SLC41A3: variants seen among roughly 807,000 people sequenced by gnomAD.
The protein encoded by SLC41A3 is solute carrier family 41 member 3, also known as SLC41A1-like 2.
In SLC41A3, 44 loss-of-function variants were observed where a neutral mutation model predicts 45.4. The observed-to-expected ratio is 0.97, with a 90% CI of 0.76 to 1.25. The LOEUF is 1.25. SLC41A3 is among the 50% of genes most tolerant of loss of function. The probability of loss-of-function intolerance (pLI) is 0.00; values close to 1 mark genes in which losing one functional copy is unlikely to be tolerated. For synonymous variants in SLC41A3, 256 were observed against 252.4 expected (o/e 1.01, Z -0.13); for missense variants, 550 against 600.6 (o/e 0.92, Z 0.88).
chr3:126,059,771 T>C (rs572551114), intron 2 of SLC41A3, among the ~76,000 whole-genome samples: 65 of 152,198 alleles, frequency 4.3e-4, no homozygotes, highest in Non-Finnish European at 8.1e-4. Flanking sequence ...AGGTTACTGG[T>C]TTAAAGGCAT....
intron 1 of SLC41A3, chr3:126,095,386 C>T: frequency 2.0e-6 from 1 of 505,814 alleles, no homozygotes; most frequent in Non-Finnish European, 3.5e-6. Context: ...GATCAAGAAG[C>T]TGTCACAGAT....
upstream of SLC41A3, among the ~76,000 whole-genome samples, chr3:126,087,901 T>C (rs1284081555): frequency 6.6e-6 from 1 of 152,116 alleles, no homozygotes; most frequent in Non-Finnish European, 1.5e-5. Context: ...AATACAAAAC[T>C]AAATAATTGG....
chr3:126,090,469 G>A (rs1211697456), intron 1 of SLC41A3, among the ~76,000 whole-genome samples: 2 of 152,170 alleles, frequency 1.3e-5, no homozygotes, highest in African/African-American at 2.4e-5. Context: ...TTTTTAAAGT[G>A]TAGATTAAAT....
chr3:126,021,023 T>C (rs1238212079), intron 6 of SLC41A3, among the ~76,000 whole-genome samples: 2 of 151,970 alleles, frequency 1.3e-5, no homozygotes, highest in South Asian at 2.1e-4. Context: ...GCCTGCCGAG[T>C]AGCTGGGACT....
intron 8 of SLC41A3, among the ~76,000 whole-genome samples, chr3:126,013,600 G>A (rs1209200659): frequency 6.6e-6 from 1 of 151,640 alleles, no homozygotes; most frequent in Non-Finnish European, 1.5e-5. Context: ...GTGAGGGGAG[G>A]ACAGAGATGA....
At chr3:126,009,395 C>T (rs1939464159) in intron 9 of SLC41A3, among the ~76,000 whole-genome samples, 1 of 152,212 alleles carries the variant, frequency 6.6e-6, no homozygotes, top group African/African-American at 2.4e-5. Flanking sequence ...GCCCCTTCTT[C>T]ATAGCAGCCT....
chr3:126,022,358 T>C (rs1047300396), intron 6 of SLC41A3, among the ~76,000 whole-genome samples: 1 of 152,208 alleles, frequency 6.6e-6, no homozygotes, highest in Admixed American at 6.5e-5. Flanking sequence ...ATACCAGAAA[T>C]TGGATAATTC....
intron 2 of SLC41A3, among the ~76,000 whole-genome samples, chr3:126,054,728 C>T (rs1943551643): frequency 1.3e-5 from 2 of 152,032 alleles, no homozygotes; most frequent in South Asian, 2.1e-4. Flanking sequence ...AGAATGACTG[C>T]TCCCTCTTCC....
intron 3 of SLC41A3, among the ~76,000 whole-genome samples, chr3:126,041,617 A>G (rs527360934): frequency 6.6e-6 from 1 of 152,370 alleles, no homozygotes; most frequent in African/African-American, 2.4e-5. Context: ...GCTGGCATTC[A>G]ATGGTAAGGA....
chr3:126,057,699 C>T (rs1943762670), intron 2 of SLC41A3, among the ~76,000 whole-genome samples: 1 of 152,192 alleles, frequency 6.6e-6, no homozygotes, highest in South Asian at 2.1e-4. Flanking sequence ...CCAAGGCTGT[C>T]CCTGCAACCG....
Position 126,050,968 on chromosome 3 carries a change from G to A in SLC41A3, c.356C>T (p.Thr119Ile). ...AGCTGTGGAGAGTCTGGATGCCAGT[G>A]TCATCTCCAGGTTCCCCTTCAGGCC... is the stretch of plus-strand genomic sequence containing the variant. ...LVGLKGNLEM[T>I]LASRLSTAAN... Residue 119 changes from threonine to isoleucine, a missense_variant, in exon 3 of 11, where the codon ACA becomes ATA. Coordinates refer to ENST00000360370, the MANE Select transcript of SLC41A3 (RefSeq NM_017836.4). The A allele has an allele frequency of 6.2e-7, 1 of 1,612,858 alleles. No individual in the cohort carries two copies. The highest frequency in any genetic ancestry group is 8.5e-7 in the Non-Finnish European group (1 of 1,179,464).
At chr3:126,008,560 G>T (rs531688416) in intron 10 of SLC41A3, among the ~76,000 whole-genome samples, 172 bp downstream of exon 10, 1 of 152,210 alleles carries the variant, frequency 6.6e-6, no homozygotes, top group South Asian at 2.1e-4. Context: ...GGTGTGCAGT[G>T]TGGAATGGCC....
chr3:126,047,260 G>A (rs1559853947), intron 3 of SLC41A3, among the ~76,000 whole-genome samples: 1 of 152,078 alleles, frequency 6.6e-6, no homozygotes, highest in Non-Finnish European at 1.5e-5. Context: ...CTACTCAGGA[G>A]GCTGAGGTGC....
At chr3:126,033,527 T>C in intron 4 of SLC41A3, 80 bp downstream of exon 4, 1 of 1,480,810 alleles carries the variant, frequency 6.8e-7, no homozygotes, top group East Asian at 2.3e-5. Flanking sequence ...GGACAAGAGC[T>C]CGCTTAGCCT....
intron 8 of SLC41A3, 31 bp downstream of exon 8, chr3:126,015,462 AG>A: frequency 1.2e-6 from 2 of 1,611,548 alleles, no homozygotes; most frequent in Non-Finnish European, 1.7e-6. Context: ...TACCCAACCC[AG>A]GGACCACATG....
Position 126,026,539 on chromosome 3 carries a change from C to A in SLC41A3, c.454-60G>T. 1 of 1,564,256 alleles carries A rather than the reference C, an allele frequency of 6.4e-7. No individual in the cohort carries two copies. ...CCCGGGGCCACAGCCACACTCCCTGCCCTTCACACCTCACTCACCGCAAGG... is the reference window on the plus strand; with the variant it reads ...CCCGGGGCCACAGCCACACTCCCTGACCTTCACACCTCACTCACCGCAAGG... On this transcript the variant is annotated intron_variant, in intron 4 of 10. Coordinates refer to ENST00000360370, the MANE Select transcript of SLC41A3 (RefSeq NM_017836.4). The surrounding 1 kb of genome is among the most constrained non-coding windows in gnomAD (Gnocchi z 4.2).
intron 1 of SLC41A3, among the ~76,000 whole-genome samples, chr3:126,101,071 C>T (rs1318427382): frequency 6.6e-6 from 1 of 152,368 alleles, no homozygotes; most frequent in Non-Finnish European, 1.5e-5. Context: ...CTTCCTCCAT[C>T]GCGGGCAGCC....
intron 3 of SLC41A3, among the ~76,000 whole-genome samples, chr3:126,044,273 T>C (rs898510593): frequency 1.3e-5 from 2 of 152,214 alleles, no homozygotes; most frequent in African/African-American, 2.4e-5. Context: ...TAGTGAAACA[T>C]GTTTTACCAA....
intron 2 of SLC41A3, among the ~76,000 whole-genome samples, chr3:126,059,279 A>AAAGAAAGAAAGAAAGAGAGAGAAAG (rs1943897447): frequency 7.2e-6 from 1 of 139,540 alleles, no homozygotes; most frequent in African/African-American, 2.7e-5. Context: ...AGAAAGAAAG[A>AAAGAAAGAAAGAAAGAGAGAGAAAG]AAGAAAGAAA....
Sources: gnomAD v4.1 joint callset for allele counts (sites outside exome capture counted in the v4.1 genomes callset) on GRCh38, gnomAD v4.1.1 for gene constraint, Gnocchi (gnomAD v3.1) non-coding constraint, MANE v1.5 for transcripts, NCBI Gene and HGNC (gene_info 2026-07-23, HGNC 2026-07-21) for gene names.